The following CHD7 variants were observed in gnomAD, a reference collection of about 807,000 sequenced individuals.
CHD7 encodes the protein ATP-dependent chromatin remodeler CHD7.
A neutral mutation model predicts 307.3 loss-of-function variants in CHD7; 24 were observed. That is an observed-to-expected ratio of 0.08 (90% CI 0.06 to 0.11). The LOEUF (loss-of-function observed/expected upper bound fraction) is 0.11. Ranked by LOEUF, CHD7 falls within the 10% of genes least tolerant of loss-of-function variation. The pLI is 1.00. For synonymous variants in CHD7, 1,363 were observed against 1,349.9 expected, an observed-to-expected ratio of 1.01 and a Z score of -0.21; for missense variants, 3,106 against 3,727.1, an observed-to-expected ratio of 0.83 and a Z score of 4.34.
At chr8:60,679,105 C>T (rs1156895976) in intron 1 of CHD7, 23 bp downstream of exon 1, 19 of 156,840 alleles carry the variant, frequency 1.2e-4, no homozygotes, top group Non-Finnish European at 1.9e-4. Context: ...GTTCGCCCGG[C>T]GCCCCCGGGA....
intron 1 of CHD7, among the ~76,000 whole-genome samples, chr8:60,690,923 C>G (rs1806162313): frequency 6.6e-6 from 1 of 152,040 alleles, no homozygotes; most frequent in African/African-American, 2.4e-5. Flanking sequence ...TCATTTGCAT[C>G]TTTCTTTCTT....
chr8:60,740,227 C>T (rs989749900), intron 1 of CHD7, among the ~76,000 whole-genome samples: 1 of 152,232 alleles, frequency 6.6e-6, no homozygotes, highest in African/African-American at 2.4e-5. Flanking sequence ...ACTTGTCTCC[C>T]TTCCTGCTTA....
At position 60,781,054 on chromosome 8, in the gene CHD7, A is replaced by C; in HGVS notation, c.1720A>C (p.Ser574Arg). The C allele has an allele frequency of 8.7e-6, 14 of 1,609,444 alleles. No homozygotes were observed. Among genetic ancestry groups the C allele is most frequent in the Non-Finnish European group, 1.2e-5 (14 of 1,178,434 alleles). ...ACCAGTGCCGGATATGACTCAGGTTAGTGGACCGAATGCTCAGCTAGTGAA... is the reference window on the plus strand; with the variant it reads ...ACCAGTGCCGGATATGACTCAGGTTCGTGGACCGAATGCTCAGCTAGTGAA... ...EKPVPDMTQV[S>R]GPNAQLVKSD... Residue 574 changes from serine to arginine, a missense_variant, in exon 3 of 38, where the codon AGT becomes CGT. Around this residue, in one of 10 missense-constraint regions of CHD7, gnomAD observed 998 missense variants for 1,004.5 expected, o/e 0.99. Transcript: ENST00000423902.
chr8:60,727,554 G>T (rs574839825), intron 1 of CHD7, among the ~76,000 whole-genome samples: 3 of 152,058 alleles, frequency 2.0e-5, no homozygotes, highest in Admixed American at 1.3e-4. Context: ...GAACTGGTTG[G>T]TTGGTCACTT....
At chr8:60,730,751 T>C (rs984592367) in intron 1 of CHD7, among the ~76,000 whole-genome samples, 1 of 151,820 alleles carries the variant, frequency 6.6e-6, no homozygotes, top group African/African-American at 2.4e-5. Flanking sequence ...TCCCAGCTAC[T>C]TGGGAGGCTG....
chr8:60,796,103 C>T (rs1053729530), intron 4 of CHD7, among the ~76,000 whole-genome samples: 1 of 152,186 alleles, frequency 6.6e-6, no homozygotes, highest in East Asian at 1.9e-4. Flanking sequence ...GTAGAACTCC[C>T]TGATACCTAT....
chr8:60,690,169 TGGGTGG>T (rs1806124202), intron 1 of CHD7, among the ~76,000 whole-genome samples: 2 of 138,650 alleles, frequency 1.4e-5, no homozygotes, highest in African/African-American at 6.9e-5. Flanking sequence ...TGTTACAGAG[TGGGTGG>T]ATGTTCCTTT....
chr8:60,842,682 C>A (rs929049645), intron 21 of CHD7, among the ~76,000 whole-genome samples: 1 of 152,118 alleles, frequency 6.6e-6, no homozygotes, highest in Non-Finnish European at 1.5e-5. Context: ...GGACTACAGG[C>A]AACTCCTGTT....
intron 37 of CHD7, chr8:60,863,512 G>A (rs1806103045): frequency 6.6e-6 from 1 of 152,104 alleles, no homozygotes; most frequent in Non-Finnish European, 1.5e-5. Flanking sequence ...TTGAAACTAT[G>A]ATTAGAGCTG....
chr8:60,845,484 T>C (rs1805165918), intron 23 of CHD7, 75 bp downstream of exon 23: 2 of 1,478,906 alleles, frequency 1.4e-6, no homozygotes, highest in Non-Finnish European at 1.8e-6. Flanking sequence ...AGCCGGCCCT[T>C]CACGTCTGCA....
rs574724165 is a variant in CHD7 at position 60,771,981 on chromosome 8, C to T, written c.1666-9019C>T. Among the ~76,000 whole-genome samples, 9 of 152,240 alleles carry T rather than the reference C, an allele frequency of 5.9e-5. No homozygotes were observed. In the South Asian group the frequency reaches 1.9e-3, roughly 32 times the overall value. On this transcript the variant is annotated intron_variant, in intron 2 of 37. Transcript: ENST00000423902. ...GGAAATCTTGATTACACGTGAAATC[C>T]TTTTACCTTCGCTGTATTCTGTTGG... is the stretch of plus-strand genomic sequence containing the variant.
At chr8:60,825,682 C>T (rs1327918801) in intron 13 of CHD7, among the ~76,000 whole-genome samples, 1 of 152,186 alleles carries the variant, frequency 6.6e-6, no homozygotes. Flanking sequence ...TCACCATTTC[C>T]TGAAGGCTTA....
At position 60,854,481 on chromosome 8, in the gene CHD7, G is replaced by T. The variant is rs774683470; in HGVS notation, c.6894G>T (p.Gln2298His). The T allele has an allele frequency of 6.2e-7, 1 of 1,607,638 alleles. No individual in the cohort carries two copies. The highest frequency in any genetic ancestry group is 1.1e-5 in the South Asian group (1 of 90,136). Residue 2298 changes from glutamine to histidine, a missense_variant, in exon 32 of 38, where the codon CAG becomes CAT. Physicochemically the swap from Gln to His is conservative, Grantham distance 24. Coordinates refer to ENST00000423902, the MANE Select transcript of CHD7 (RefSeq NM_017780.4). ...YMEDGDPSVA[Q>H]LLHERTFAFS... ...AGGACGGAGATCCTTCAGTAGCTCAGCTCCTTCATGAAAGAACATTTGCCT... is the reference window on the plus strand; with the variant it reads ...AGGACGGAGATCCTTCAGTAGCTCATCTCCTTCATGAAAGAACATTTGCCT...
In CHD7 at chr8:60,728,624, G is replaced by A. The variant is rs187214267; in HGVS notation, c.-174-12635G>A. 1.1e-3 allele frequency among the ~76,000 whole-genome samples: 167 copies of A among 152,252 alleles called. 1 individual carries two copies. The highest frequency in any genetic ancestry group is 1.7e-3 in the African/African-American group (71 of 41,532). ...CACTGCAACGAGCAAGGTCTTTCTT[G>A]ATGTGCCCGCCTAGCTGGGGACACT... is the stretch of plus-strand genomic sequence containing the variant. On this transcript the variant is annotated intron_variant, in intron 1 of 37. Coordinates refer to ENST00000423902, the MANE Select transcript of CHD7 (RefSeq NM_017780.4).
intron 1 of CHD7, among the ~76,000 whole-genome samples, chr8:60,698,112 G>C (rs770348241): frequency 1.1e-4 from 16 of 152,212 alleles, no homozygotes; most frequent in Non-Finnish European, 1.6e-4. Flanking sequence ...CTTACAGCCT[G>C]ACTTGACAAT....
At chr8:60,804,143 A>G (rs1338219926) in intron 6 of CHD7, among the ~76,000 whole-genome samples, 1 of 152,230 alleles carries the variant, frequency 6.6e-6, no homozygotes, top group Non-Finnish European at 1.5e-5. Flanking sequence ...TGGCTCAAGC[A>G]TTTATGTTGT....
In CHD7 at chr8:60,830,377, A is replaced by T; in HGVS notation, c.3578A>T (p.Asp1193Val). The T allele has an allele frequency of 6.2e-7, 1 of 1,613,996 alleles. No homozygotes were observed. Among genetic ancestry groups the T allele is most frequent in the Non-Finnish European group, 8.5e-7 (1 of 1,179,858 alleles). Residue 1193 changes from aspartate (D) to valine (V), a missense_variant, in exon 15 of 38, where the codon GAT (aspartate) becomes GTT (valine). By Grantham distance (152) the Asp-to-Val change is radical. Around this residue, in one of 10 missense-constraint regions of CHD7, gnomAD observed 232 missense variants for 422.5 expected, o/e 0.55. Transcript: ENST00000423902. ...ATGATGTTGAGACGTCTCAAAGAGG[A>T]TGTAGAAAAGAACTTGGCCCCCAAA... ...KPMMLRRLKE[D>V]VEKNLAPKEE...
chr8:60,843,068 C>T (rs934220863), intron 21 of CHD7, among the ~76,000 whole-genome samples: 3 of 152,222 alleles, frequency 2.0e-5, no homozygotes, highest in African/African-American at 7.2e-5. Flanking sequence ...CTGGCCTGCA[C>T]TTCCCATCAC....
chr8:60,823,882 A>G lies in CHD7; in HGVS notation c.3244A>G (p.Thr1082Ala). ...GTCCTATAAGTTTCATGCCATCATC[A>G]CTACATTTGAGATGATTTTGACTGA... ...KGSYKFHAIITTFEMILTDCP... is the reference protein window; with the variant it reads ...KGSYKFHAIIATFEMILTDCP... Residue 1082 changes from threonine (T) to alanine (A), a missense_variant, in exon 13 of 38, where the codon ACT (threonine) becomes GCT (alanine). Physicochemically the swap from Thr to Ala is moderately conservative, Grantham distance 58. Around this residue, in one of 10 missense-constraint regions of CHD7, gnomAD observed 232 missense variants for 422.5 expected, o/e 0.55. Transcript: ENST00000423902. 6.2e-7 allele frequency: 1 copy of G among 1,613,826 alleles called. No individual in the cohort carries two copies. Among genetic ancestry groups the G allele is most frequent in the Non-Finnish European group, 8.5e-7 (1 of 1,179,732 alleles).
Sources: allele counts gnomAD v4.1 joint callset (sites outside exome capture counted in the v4.1 genomes callset), GRCh38; gene constraint gnomAD v4.1.1; regional missense constraint gnomAD v4.1.1; transcripts MANE v1.5; gene names NCBI Gene and HGNC (gene_info 2026-07-23, HGNC 2026-07-21).